Variants in SLC24A2 observed in about 807,000 individuals in gnomAD.
SLC24A2 encodes the protein sodium/potassium/calcium exchanger 2.
A neutral mutation model predicts 62.0 loss-of-function variants in SLC24A2; 36 were observed. The observed-to-expected ratio is 0.58, with a 90% CI of 0.44 to 0.77. SLC24A2 has a LOEUF of 0.77. Among genes scored for constraint, SLC24A2 ranks in the 30% least tolerant of loss-of-function variants. The pLI is 0.00. For missense variants in SLC24A2, 846 were observed against 817.9 expected, an observed-to-expected ratio of 1.03 and a Z score of -0.42; for synonymous variants, 358 against 294.0, an observed-to-expected ratio of 1.22 and a Z score of -2.23.
the SLC24A2 span, among the ~76,000 whole-genome samples, chr9:19,866,034 C>T: frequency 6.6e-6 from 1 of 152,086 alleles, no homozygotes; most frequent in Non-Finnish European, 1.5e-5. Context: ...TAAAAATGGG[C>T]AAAAGATTAG....
the SLC24A2 span, among the ~76,000 whole-genome samples, chr9:19,894,672 G>A: frequency 6.6e-6 from 1 of 151,944 alleles, no homozygotes; most frequent in Admixed American, 6.5e-5. Flanking sequence ...TTCTCTTCCA[G>A]GATGGGAGAA....
intron 2 of SLC24A2, among the ~76,000 whole-genome samples, chr9:19,686,237 C>T (rs952447824): frequency 2.3e-4 from 35 of 152,008 alleles, no homozygotes; most frequent in African/African-American, 8.0e-4. Flanking sequence ...GTCATAATGG[C>T]TATTATAAAA....
the SLC24A2 span, among the ~76,000 whole-genome samples, chr9:20,074,363 C>A: frequency 6.6e-6 from 1 of 151,890 alleles, no homozygotes; most frequent in Non-Finnish European, 1.5e-5. Context: ...GACATGGCAT[C>A]ATTGCTCAAT....
chr9:19,941,339 G>C, the SLC24A2 span, among the ~76,000 whole-genome samples: 2 of 152,192 alleles, frequency 1.3e-5, no homozygotes, highest in Non-Finnish European at 2.9e-5. Flanking sequence ...AGCATGTTTA[G>C]TGTTGATGAG....
At chr9:20,221,941 T>G in the SLC24A2 span, among the ~76,000 whole-genome samples, 4 of 151,678 alleles carry the variant, frequency 2.6e-5, no homozygotes, top group Non-Finnish European at 2.9e-5. Context: ...AGAAGAAAAG[T>G]GAACCCAGAA....
chr9:19,968,758 A>G, the SLC24A2 span, among the ~76,000 whole-genome samples: 1 of 152,270 alleles, frequency 6.6e-6, no homozygotes, highest in East Asian at 1.9e-4. Context: ...TCTATATATT[A>G]TTTTACGTCA....
chr9:19,820,082 T>TATAC, the SLC24A2 span, among the ~76,000 whole-genome samples: 5 of 133,616 alleles, frequency 3.7e-5, no homozygotes, highest in African/African-American at 1.1e-4. Flanking sequence ...TATATATATA[T>TATAC]ACAATGGAAT....
chr9:19,977,153 G>A, the SLC24A2 span, among the ~76,000 whole-genome samples: 1 of 151,420 alleles, frequency 6.6e-6, no homozygotes, highest in Admixed American at 6.6e-5. Context: ...GTGTGTATGA[G>A]AGACAGAGAA....
At chr9:20,092,074 G>T in the SLC24A2 span, among the ~76,000 whole-genome samples, 1 of 152,106 alleles carries the variant, frequency 6.6e-6, no homozygotes. Flanking sequence ...GGGAACAACA[G>T]ACCCTGGGGC....
chr9:19,844,045 A>G, the SLC24A2 span, among the ~76,000 whole-genome samples: 1 of 152,124 alleles, frequency 6.6e-6, no homozygotes, highest in Admixed American at 6.6e-5. Flanking sequence ...ATACCCAGTA[A>G]TGGTATTGCT....
At chr9:19,965,298 G>T in the SLC24A2 span, among the ~76,000 whole-genome samples, 1 of 152,092 alleles carries the variant, frequency 6.6e-6, no homozygotes, top group Non-Finnish European at 1.5e-5. Flanking sequence ...GCTGAAGCAG[G>T]GTCCTGGATG....
At chr9:20,119,832 A>G in the SLC24A2 span, among the ~76,000 whole-genome samples, 1 of 152,204 alleles carries the variant, frequency 6.6e-6, no homozygotes, top group African/African-American at 2.4e-5. Flanking sequence ...TTCAGAGACA[A>G]CAAAATTGTT....
the SLC24A2 span, among the ~76,000 whole-genome samples, chr9:20,214,384 C>T: frequency 2.0e-5 from 3 of 152,120 alleles, no homozygotes; most frequent in Admixed American, 2.0e-4. Context: ...GAGGCCAAGG[C>T]AGGCGGATCA....
the SLC24A2 span, among the ~76,000 whole-genome samples, chr9:19,993,743 C>T: frequency 6.6e-6 from 1 of 152,132 alleles, no homozygotes; most frequent in Non-Finnish European, 1.5e-5. Context: ...CTGTTCTATT[C>T]CCTAACTATG....
the SLC24A2 span, among the ~76,000 whole-genome samples, chr9:20,249,674 C>T: frequency 7.3e-6 from 1 of 137,898 alleles, no homozygotes; most frequent in African/African-American, 2.9e-5. Flanking sequence ...CATTGCACTC[C>T]AGCCTGGGCA....
chr9:20,215,964 A>G, the SLC24A2 span, among the ~76,000 whole-genome samples: 7 of 152,300 alleles, frequency 4.6e-5, no homozygotes, highest in African/African-American at 7.2e-5. Flanking sequence ...GATGTTCCCA[A>G]TAGCCTCTCA....
intron 8 of SLC24A2, among the ~76,000 whole-genome samples, chr9:19,542,683 G>T (rs1196658830): frequency 6.6e-6 from 1 of 152,204 alleles, no homozygotes; most frequent in Non-Finnish European, 1.5e-5. Context: ...TTCTGCATCT[G>T]TTGAAATAAT....
At chr9:19,774,307 G>A (rs1032794495) in intron 2 of SLC24A2, among the ~76,000 whole-genome samples, 3 of 152,078 alleles carry the variant, frequency 2.0e-5, no homozygotes, top group African/African-American at 4.8e-5. Flanking sequence ...AAAATTTATG[G>A]ATAAGTAAAC....
At chr9:19,862,997 A>G in the SLC24A2 span, among the ~76,000 whole-genome samples, 1 of 152,012 alleles carries the variant, frequency 6.6e-6, no homozygotes, top group Non-Finnish European at 1.5e-5. Context: ...AGTCTTTACT[A>G]CAAGAAACAC....
Sources: gnomAD v4.1 joint callset for allele counts (sites outside exome capture counted in the v4.1 genomes callset) on GRCh38, gnomAD v4.1.1 for gene constraint, MANE v1.5 for transcripts, NCBI Gene and HGNC (gene_info 2026-07-23, HGNC 2026-07-21) for gene names.